The following LUC7L2 variants were observed in gnomAD, a reference collection of about 807,000 sequenced individuals.
LUC7L2 encodes LUC7 like 2, pre-mRNA splicing factor.
LUC7L2 carries 25 observed loss-of-function variants against 52.8 expected under a neutral mutation model. The observed-to-expected ratio is 0.47, with a 90% CI of 0.34 to 0.66. The LOEUF is 0.66. LUC7L2 is among the 30% of genes least tolerant of loss of function. The pLI, the probability that LUC7L2 is intolerant of heterozygous loss-of-function variation, is 0.01. For missense variants in LUC7L2, 328 were observed against 497.8 expected (o/e 0.66, Z 3.25); for synonymous variants, 144 against 160.9 (o/e 0.89, Z 0.80).
intron 1 of LUC7L2, chr7:139,341,045 C>T (rs186975421): frequency 8.6e-6 from 2 of 231,294 alleles, no homozygotes; most frequent in South Asian, 2.3e-4. Flanking sequence ...CCCACACCCC[C>T]CGCCGGGCCC....
At position 139,349,831 on chromosome 7, in the gene LUC7L2, A is replaced by AT. The variant is rs1799394876; in HGVS notation, c.-26+9315dup. ...ATAAGTTGTATCAAGGTAAATTTACATATAATAAATATACTCATTTTAGGT... is the reference window on the plus strand; with the variant it reads ...ATAAGTTGTATCAAGGTAAATTTACATTATAATAAATATACTCATTTTAGGT... On this transcript the variant is annotated intron_variant, in intron 1 of 10. Coordinates refer to the LUC7L2 transcript ENST00000541170. Among the ~76,000 whole-genome samples, 4 of 152,238 alleles carry AT rather than the reference A, an allele frequency of 2.6e-5. No individual in the cohort carries two copies. The South Asian group carries it at 8.3e-4, about 31-fold the overall frequency.
intron 1 of LUC7L2, among the ~76,000 whole-genome samples, chr7:139,373,882 A>G (rs1465000039): frequency 1.3e-5 from 2 of 152,244 alleles, no homozygotes; most frequent in Admixed American, 1.3e-4. Context: ...TTTAGCAGGA[A>G]GACTTATTAG....
intron 2 of LUC7L2, among the ~76,000 whole-genome samples, chr7:139,391,680 C>T (rs1794457327): frequency 6.6e-6 from 1 of 152,090 alleles, no homozygotes; most frequent in African/African-American, 2.4e-5. Flanking sequence ...CCTCTGCCTC[C>T]CAGGTTCAAG....
rs565648779 is a variant in LUC7L2, at chr7:139,412,764, G to A, written c.809+184G>A. The A allele has an allele frequency of 4.7e-5, 24 of 506,808 alleles. 1 individual carries two copies. The highest frequency in any genetic ancestry group is 3.9e-4 in the African/African-American group (19 of 49,340). The allele number at this position is 506,808 out of a possible 1,614,324, so 31.4% of individuals were successfully genotyped here. On this transcript the variant is annotated intron_variant, in intron 8 of 9. Coordinates refer to ENST00000354926, the MANE Select transcript of LUC7L2 (RefSeq NM_016019.5). ...TGCTTGAAGCCGGGAGGCAGAGGTT[G>A]CAGTGAGCCAAGATAGCACCACTGC...
intron 1 of LUC7L2, chr7:139,374,426 C>T (rs1477444930): frequency 1.1e-5 from 17 of 1,550,880 alleles, no homozygotes; most frequent in Non-Finnish European, 1.5e-5. Flanking sequence ...GCCTGCCTAC[C>T]TCAATCTGCA....
At chr7:139,401,159 C>A (rs948605783) in intron 3 of LUC7L2, among the ~76,000 whole-genome samples, 2 of 151,258 alleles carry the variant, frequency 1.3e-5, no homozygotes, top group African/African-American at 4.9e-5. Flanking sequence ...CTAAAATTCT[C>A]AATGGTTTAT....
At chr7:139,404,486 G>A (rs1441359536) in intron 4 of LUC7L2, among the ~76,000 whole-genome samples, 3 of 152,162 alleles carry the variant, frequency 2.0e-5, no homozygotes, top group Non-Finnish European at 2.9e-5. Flanking sequence ...TCCAGCCTGG[G>A]CGACAGAGCA....
intron 3 of LUC7L2, among the ~76,000 whole-genome samples, chr7:139,400,604 A>G (rs1039670014): frequency 1.6e-4 from 24 of 152,222 alleles, no homozygotes; most frequent in African/African-American, 4.6e-4. Flanking sequence ...CTTCTGGCAT[A>G]TTTTGGCTTC....
chr7:139,374,458 G>A (rs1800608306), intron 1 of LUC7L2: 1 of 1,550,822 alleles, frequency 6.4e-7, no homozygotes. Flanking sequence ...GAAAGGCCCC[G>A]CATTCGCCAA....
chr7:139,377,265 C>T (rs752537570), intron 2 of LUC7L2, among the ~76,000 whole-genome samples: 2 of 152,074 alleles, frequency 1.3e-5, no homozygotes, highest in South Asian at 2.1e-4. Context: ...CGTGCAGTGG[C>T]GCAATCTCAG....
At chr7:139,401,215 C>CA (rs34702372) in intron 3 of LUC7L2, among the ~76,000 whole-genome samples, 34 of 144,602 alleles carry the variant, frequency 2.4e-4, no homozygotes, top group East Asian at 4.1e-4. Flanking sequence ...ACTCTTGTCT[C>CA]AAAAAAAAAA....
intron 2 of LUC7L2, among the ~76,000 whole-genome samples, chr7:139,381,629 T>C (rs1585095710): frequency 6.6e-6 from 1 of 150,978 alleles, no homozygotes; most frequent in African/African-American, 2.4e-5. Context: ...CAGGCTGGAG[T>C]GCAATGGTTT....
chr7:139,388,577 A>G (rs1794305162), intron 2 of LUC7L2, among the ~76,000 whole-genome samples: 1 of 151,038 alleles, frequency 6.6e-6, no homozygotes. Context: ...AACTATGGGG[A>G]GGAATATGTA....
chr7:139,354,871 T>A (rs1365065570), intron 1 of LUC7L2, among the ~76,000 whole-genome samples: 5 of 152,064 alleles, frequency 3.3e-5, no homozygotes, highest in Non-Finnish European at 7.4e-5. Flanking sequence ...TTTTTTTTTT[T>A]TTTGAGACAG....
intron 1 of LUC7L2, chr7:139,341,349 C>T (rs1489648528): frequency 9.4e-6 from 15 of 1,587,458 alleles, no homozygotes; most frequent in East Asian, 2.3e-5. Flanking sequence ...GGTCGTAGGA[C>T]GCCGTTGGGC....
intron 5 of LUC7L2, among the ~76,000 whole-genome samples, chr7:139,406,735 TA>T: frequency 6.6e-6 from 1 of 152,314 alleles, no homozygotes; most frequent in Admixed American, 6.5e-5. Flanking sequence ...TATTTATTGA[TA>T]TAAAGTTGTT....
intron 7 of LUC7L2, among the ~76,000 whole-genome samples, chr7:139,411,624 C>CA (rs950590998): frequency 0.012 from 1,841 of 150,406 alleles, 46 homozygotes; most frequent in African/African-American, 0.043. Context: ...ATATATCATC[C>CA]AAAAAAAAAT....
intron 2 of LUC7L2, among the ~76,000 whole-genome samples, chr7:139,380,298 C>T (rs1355653500): frequency 6.6e-6 from 1 of 151,972 alleles, no homozygotes. Flanking sequence ...AGTTACTATA[C>T]TTCAAAAGCT....
Position 139,359,912 on chromosome 7 carries a change from G to A in LUC7L2, c.-350G>A. Reference sequence around the variant, plus strand: ...CGTGCGCGCTCCCGTCGTGGCGACGGTGGCGGCGAGCGGCGTCAGAGCTTG... The same window carrying A: ...CGTGCGCGCTCCCGTCGTGGCGACGATGGCGGCGAGCGGCGTCAGAGCTTG... On this transcript the variant is annotated 5_prime_UTR_variant, in exon 1 of 10. It adds an upstream start codon to the 5' untranslated region. Coordinates refer to ENST00000354926, the MANE Select transcript of LUC7L2 (RefSeq NM_016019.5). The A allele has an allele frequency of 2.4e-6, 1 of 416,660 alleles. No individual in the cohort carries two copies. The highest frequency in any genetic ancestry group is 4.3e-6 in the Non-Finnish European group (1 of 235,128). 25.8% of individuals were successfully genotyped at this position (416,660 alleles called of 1,614,324 possible). A position where few individuals can be genotyped will look rare whatever the true frequency, so the allele number is the denominator to read the frequency against.
Sources: allele counts gnomAD v4.1 joint callset (sites outside exome capture counted in the v4.1 genomes callset), GRCh38; gene constraint gnomAD v4.1.1; transcripts MANE v1.5; gene names NCBI Gene and HGNC (gene_info 2026-07-23, HGNC 2026-07-21).